RHOXF1: variants seen among roughly 807,000 people sequenced by gnomAD.
RHOXF1 encodes the protein PEPP subfamily gene 1.
RHOXF1 carries 1 observed loss-of-function variant against 9.7 expected under a neutral mutation model. The observed-to-expected ratio is 0.10, with a 90% confidence interval of 0.04 to 0.49. The LOEUF (loss-of-function observed/expected upper bound fraction) is 0.49. Ranked by LOEUF, RHOXF1 falls within the 20% of genes least tolerant of loss-of-function variation. The pLI, the probability that RHOXF1 is intolerant of heterozygous loss-of-function variation, is 0.95. For missense variants in RHOXF1, 179 were observed against 168.0 expected (o/e 1.07, Z -0.36); for synonymous variants, 72 against 70.2 (o/e 1.03, Z -0.13).
At chrX:120,113,113 C>T (rs782416251) in intron 1 of RHOXF1, among the ~76,000 whole-genome samples, 199 bp from the exon 2 acceptor site, 16 of 111,486 alleles carry the variant, frequency 1.4e-4, no homozygotes, top group African/African-American at 5.2e-4. Flanking sequence ...TTTAAGGTGA[C>T]GTTAACAACT....
upstream of RHOXF1, among the ~76,000 whole-genome samples, chrX:120,119,371 T>A (rs2057308310): frequency 8.9e-6 from 1 of 112,290 alleles, no homozygotes; most frequent in African/African-American, 3.2e-5. Flanking sequence ...CACATAAATC[T>A]GTTACATCAG....
intron 2 of RHOXF1, among the ~76,000 whole-genome samples, chrX:120,111,744 AC>A (rs782589640): frequency 8.9e-6 from 1 of 112,201 alleles, no homozygotes; most frequent in Admixed American, 9.5e-5. Flanking sequence ...AGTCACTTAA[AC>A]ATTTAGTAGT....
At position 120,111,312 on chromosome X, in the gene RHOXF1, T is replaced by C. The variant is rs1169817619; in HGVS notation, c.444+1557A>G. ...CTCCAACCCGAACCAGGTGTGATTG[T>C]GAGTCCACCCTTTGCCATTAGGATG... is the stretch of plus-strand genomic sequence containing the variant. On this transcript the variant is annotated intron_variant, in intron 2 of 2. Coordinates refer to ENST00000217999, the MANE Select transcript of RHOXF1 (RefSeq NM_139282.3). Among the ~76,000 whole-genome samples, 3 of 111,838 alleles carry C rather than the reference T, an allele frequency of 2.7e-5. No individual in the cohort carries two copies. The East Asian group carries it at 8.4e-4, about 31-fold the overall frequency.
chrX:120,110,384 C>T (rs1418978013), intron 2 of RHOXF1, among the ~76,000 whole-genome samples: 1 of 111,567 alleles, frequency 9.0e-6, no homozygotes, highest in Non-Finnish European at 1.9e-5. Context: ...CCATTGTCAC[C>T]AATGCCAAAT....
intron 1 of RHOXF1, among the ~76,000 whole-genome samples, chrX:120,114,998 T>C (rs1269872066): frequency 2.7e-5 from 3 of 112,129 alleles, no homozygotes; most frequent in Non-Finnish European, 3.8e-5. Context: ...TCTACTTACA[T>C]GAGATACCTA....
chrX:120,112,390 AT>A (rs2057268629), intron 2 of RHOXF1, among the ~76,000 whole-genome samples: 3 of 97,652 alleles, frequency 3.1e-5, no homozygotes, highest in Non-Finnish European at 6.1e-5. Flanking sequence ...ATATATGTAT[AT>A]ATGTATGATA....
chrX:120,114,587 A>G (rs181595089), intron 1 of RHOXF1, among the ~76,000 whole-genome samples: 7,826 of 111,452 alleles, frequency 0.07, 648 homozygotes, highest in African/African-American at 0.24. Context: ...TAACCAAAAA[A>G]AAAGAAAGAA....
upstream of RHOXF1, among the ~76,000 whole-genome samples, chrX:120,119,926 A>G (rs1339288842): frequency 2.7e-5 from 3 of 111,626 alleles, no homozygotes; most frequent in African/African-American, 9.8e-5. Context: ...AAGGTAACTA[A>G]GCCCAATGAC....
At chrX:120,113,927 A>G (rs782073032) in intron 1 of RHOXF1, among the ~76,000 whole-genome samples, 1 of 109,005 alleles carries the variant, frequency 9.2e-6, no homozygotes, top group Non-Finnish European at 1.9e-5. Context: ...CCTTATCTCT[A>G]CACACAAAAA....
intron 1 of RHOXF1, among the ~76,000 whole-genome samples, chrX:120,115,212 T>C (rs2057287988): frequency 8.9e-6 from 1 of 112,007 alleles, no homozygotes. Flanking sequence ...ACGGTAAATT[T>C]CATATTTCCG....
chrX:120,113,251 C>T (rs1278533551), intron 1 of RHOXF1, among the ~76,000 whole-genome samples: 2 of 109,989 alleles, frequency 1.8e-5, no homozygotes, highest in African/African-American at 3.3e-5. Context: ...AGACGATTCT[C>T]GTGCCTCAGC....
chrX:120,112,892 C>G lies in RHOXF1; in HGVS notation c.421G>C (p.Gly141Arg). 3.3e-6 allele frequency: 4 copies of G among 1,199,497 alleles called. No homozygotes were observed. The highest frequency in any genetic ancestry group is 4.5e-6 in the Non-Finnish European group (4 of 885,400). ...ACCCGCACTTTGTCTTCAGTCACAC[C>G]TAAGTTTTCGGCAAGTTCCCTTCTG... ...PTRRELAENL[G>R]VTEDKVRVWF... is the part of the protein sequence containing the mutation. The change falls in exon 2 of 3, where the codon GGT becomes CGT. Residue 141 changes from glycine to arginine, a missense_variant. Gly to Arg is a moderately radical substitution (Grantham distance 125, BLOSUM62 -2). Transcript: ENST00000217999.
intron 1 of RHOXF1, 83 bp downstream of exon 1, chrX:120,115,382 C>T (rs986318659): frequency 5.7e-6 from 5 of 882,331 alleles, no homozygotes; most frequent in African/African-American, 2.1e-5. Context: ...GCTTTTTCCT[C>T]ATGATTGGGT....
At chrX:120,118,155 G>C (rs782490297), upstream of RHOXF1, among the ~76,000 whole-genome samples, 2 of 112,189 alleles carry the variant, frequency 1.8e-5, no homozygotes, top group African/African-American at 6.5e-5. Flanking sequence ...CTTTGAAAGT[G>C]GGGCTTGGCG....
upstream of RHOXF1, among the ~76,000 whole-genome samples, chrX:120,116,783 A>G (rs2057298732): frequency 9.0e-6 from 1 of 111,431 alleles, no homozygotes; most frequent in Admixed American, 9.5e-5. Context: ...CCTTTGAGAA[A>G]GTCAACACAG....
chrX:120,117,311 TAA>T (rs1347822663), upstream of RHOXF1, among the ~76,000 whole-genome samples: 2 of 110,683 alleles, frequency 1.8e-5, no homozygotes, highest in African/African-American at 6.6e-5. Context: ...AGGAAAGCGC[TAA>T]GAGAGTCTGT....
At chrX:120,116,351 T>G, upstream of RHOXF1, 1 of 98,888 alleles carries the variant, frequency 1.0e-5, no homozygotes, top group African/African-American at 3.8e-5. Flanking sequence ...TGGAGTGGGG[T>G]GGCCAAAACA....
intron 1 of RHOXF1, among the ~76,000 whole-genome samples, chrX:120,115,038 A>G (rs2147139534): frequency 8.9e-6 from 1 of 111,787 alleles, no homozygotes; most frequent in Non-Finnish European, 1.9e-5. Context: ...GACATAAAAT[A>G]GTAGAATGGT....
intron 1 of RHOXF1, among the ~76,000 whole-genome samples, 157 bp downstream of exon 1, chrX:120,115,308 T>C (rs2057288334): frequency 8.9e-6 from 1 of 111,778 alleles, no homozygotes; most frequent in Non-Finnish European, 1.9e-5. Context: ...AACATTTACC[T>C]TGATGCCCAG....
Sources: allele counts gnomAD v4.1 joint callset (sites outside exome capture counted in the v4.1 genomes callset), GRCh38; gene constraint gnomAD v4.1.1; transcripts MANE v1.5; gene names NCBI Gene and HGNC (gene_info 2026-07-23, HGNC 2026-07-21).